TENM3: variants seen among roughly 807,000 people sequenced by gnomAD.
The protein encoded by TENM3 is teneurin-3.
TENM3 carries 63 observed loss-of-function variants against 255.1 expected under a neutral mutation model. That is an observed-to-expected ratio of 0.25 (90% CI 0.20 to 0.30). The LOEUF (loss-of-function observed/expected upper bound fraction) is 0.30, where lower values mean the gene tolerates loss of function less well. Among genes scored for constraint, TENM3 ranks in the 10% least tolerant of loss-of-function variants. The pLI is 1.00. For missense variants in TENM3, 2,929 were observed against 3,461.1 expected, an observed-to-expected ratio of 0.85 and a Z score of 3.86; for synonymous variants, 1,306 against 1,322.3, an observed-to-expected ratio of 0.99 and a Z score of 0.27.
At chr4:181,604,098 A>C in the TENM3 span, among the ~76,000 whole-genome samples, 1 of 152,076 alleles carries the variant, frequency 6.6e-6, no homozygotes, top group East Asian at 1.9e-4. Context: ...CCCCGTCTCT[A>C]CTAAAAATAC....
intron 1 of TENM3, among the ~76,000 whole-genome samples, chr4:182,202,858 G>C (rs1463578419): frequency 6.6e-6 from 1 of 152,100 alleles, no homozygotes; most frequent in African/African-American, 2.4e-5. Context: ...AAGAGGGCTT[G>C]AGGAAGAGGG....
chr4:181,693,230 G>A, the TENM3 span, among the ~76,000 whole-genome samples: 2 of 152,184 alleles, frequency 1.3e-5, no homozygotes, highest in South Asian at 4.1e-4. Flanking sequence ...ACTTAAGAAA[G>A]AACTAGCTAA....
At chr4:182,094,955 A>AG in the TENM3 span, among the ~76,000 whole-genome samples, 1 of 147,608 alleles carries the variant, frequency 6.8e-6, no homozygotes, top group African/African-American at 2.6e-5. Flanking sequence ...AAAAAAAAAA[A>AG]AGGAAATTTT....
chr4:181,888,522 A>G, the TENM3 span, among the ~76,000 whole-genome samples: 79 of 92,604 alleles, frequency 8.5e-4, 2 homozygotes, highest in African/African-American at 3.9e-3. Context: ...ATATGTATAT[A>G]TATACATATA....
At chr4:182,542,692 A>G (rs1157851713) in intron 3 of TENM3, among the ~76,000 whole-genome samples, 1 of 152,146 alleles carries the variant, frequency 6.6e-6, no homozygotes, top group Admixed American at 6.5e-5. Flanking sequence ...ATGAAGCTCG[A>G]GGTCAAGTTT....
At chr4:181,574,524 C>G in the TENM3 span, among the ~76,000 whole-genome samples, 1 of 147,762 alleles carries the variant, frequency 6.8e-6, no homozygotes, top group Non-Finnish European at 1.5e-5. Context: ...GGCGACAGAG[C>G]GAGACTCCGT....
At chr4:182,563,419 G>A (rs1743427451) in intron 3 of TENM3, among the ~76,000 whole-genome samples, 1 of 152,028 alleles carries the variant, frequency 6.6e-6, no homozygotes, top group Admixed American at 6.6e-5. Flanking sequence ...GGGTGACAGA[G>A]CAAGACTCCA....
At chr4:181,624,890 G>T in the TENM3 span, among the ~76,000 whole-genome samples, 1 of 152,082 alleles carries the variant, frequency 6.6e-6, no homozygotes, top group Non-Finnish European at 1.5e-5. Flanking sequence ...TCTGGTAGTT[G>T]ATCTTGGCTG....
chr4:182,014,586 A>T, the TENM3 span, among the ~76,000 whole-genome samples: 1 of 134,372 alleles, frequency 7.4e-6, no homozygotes, highest in African/African-American at 2.8e-5. Flanking sequence ...GGCCCCTCCT[A>T]TGAGTCTGTC....
the TENM3 span, among the ~76,000 whole-genome samples, chr4:181,917,424 T>C: frequency 6.6e-6 from 1 of 152,110 alleles, no homozygotes; most frequent in Non-Finnish European, 1.5e-5. Context: ...CCAGAAACGT[T>C]CCAAGTAGGC....
At chr4:182,094,703 C>T in the TENM3 span, among the ~76,000 whole-genome samples, 1 of 152,030 alleles carries the variant, frequency 6.6e-6, no homozygotes, top group Non-Finnish European at 1.5e-5. Flanking sequence ...AAAGATGTGT[C>T]CTCGAAAAAG....
At chr4:182,677,771 T>G (rs942904829) in intron 7 of TENM3, among the ~76,000 whole-genome samples, 2 of 152,216 alleles carry the variant, frequency 1.3e-5, no homozygotes, top group Non-Finnish European at 2.9e-5. Context: ...AAAAAGGTTT[T>G]ACTTATAAAT....
At chr4:182,731,907 G>A (rs1760772080) in intron 16 of TENM3, among the ~76,000 whole-genome samples, 1 of 151,336 alleles carries the variant, frequency 6.6e-6, no homozygotes, top group Admixed American at 6.6e-5. Context: ...TCAGACTCCT[G>A]AGTAGCTGAG....
chr4:182,241,357 C>CA, upstream of TENM3, among the ~76,000 whole-genome samples: 1 of 152,162 alleles, frequency 6.6e-6, no homozygotes, highest in South Asian at 2.1e-4. Flanking sequence ...TTTTCTCTAA[C>CA]AAAAAAGACA....
chr4:181,549,169 C>T, the TENM3 span, among the ~76,000 whole-genome samples: 2 of 152,266 alleles, frequency 1.3e-5, no homozygotes, highest in East Asian at 3.9e-4. Context: ...CCACCCCAAC[C>T]TACTGGCTGC....
intron 1 of TENM3, among the ~76,000 whole-genome samples, chr4:182,209,440 G>T (rs1754832776): frequency 6.6e-6 from 1 of 151,882 alleles, no homozygotes; most frequent in Non-Finnish European, 1.5e-5. Flanking sequence ...CTAGATCAAA[G>T]CTACACTCAA....
chr4:181,904,401 T>G, the TENM3 span, among the ~76,000 whole-genome samples: 1 of 152,178 alleles, frequency 6.6e-6, no homozygotes, highest in Non-Finnish European at 1.5e-5. Context: ...CCCCAATCAC[T>G]CTGATTTGAT....
intron 6 of TENM3, among the ~76,000 whole-genome samples, chr4:182,667,538 T>C (rs989424636): frequency 1.3e-5 from 2 of 152,210 alleles, no homozygotes; most frequent in South Asian, 4.1e-4. Context: ...TCAGTTCGAA[T>C]AAATTAATCT....
In TENM3 at chr4:182,484,403, T is replaced by C. The variant is rs74985559; in HGVS notation, c.512-116521T>C. ...TATAGAGTGCACTATTACCAATCAA[T>C]TTTATAGGCTCTGTTTCCTTGTTTT... is the stretch of plus-strand genomic sequence containing the variant. On this transcript the variant is annotated intron_variant, in intron 3 of 27. Transcript: ENST00000511685. Among the ~76,000 whole-genome samples the C allele has an allele frequency of 5.8e-3, 884 of 152,278 alleles. 8 individuals carry two copies. The highest frequency in any genetic ancestry group is 0.01 in the Middle Eastern group (3 of 294).
Sources: gnomAD v4.1 joint callset for allele counts (sites outside exome capture counted in the v4.1 genomes callset) on GRCh38, gnomAD v4.1.1 for gene constraint, MANE v1.5 for transcripts, NCBI Gene and HGNC (gene_info 2026-07-23, HGNC 2026-07-21) for gene names.